The following MTMR2 variants were observed in gnomAD, a reference collection of about 807,000 sequenced individuals.
The protein encoded by MTMR2 is phosphatidylinositol-3,5-bisphosphate 3-phosphatase MTMR2.
Under a neutral mutation model 86.9 loss-of-function variants are expected in MTMR2, and 55 were observed. The observed-to-expected ratio is 0.63, with a 90% CI of 0.51 to 0.79. MTMR2 has a LOEUF of 0.79. Ranked by LOEUF, MTMR2 falls within the 30% of genes least tolerant of loss-of-function variation. The probability of loss-of-function intolerance (pLI) is 0.00; values close to 1 mark genes in which losing one functional copy is unlikely to be tolerated. For missense variants in MTMR2, 659 were observed against 772.3 expected, an observed-to-expected ratio of 0.85 and a Z score of 1.74; for synonymous variants, 241 against 266.8, an observed-to-expected ratio of 0.90 and a Z score of 0.94.
At chr11:95,882,965 CT>C (rs1865390895) in intron 2 of MTMR2, among the ~76,000 whole-genome samples, 1 of 131,206 alleles carries the variant, frequency 7.6e-6, no homozygotes, top group Non-Finnish European at 1.5e-5. Context: ...CCAGGATGGT[CT>C]CGATCTCCTG....
intron 1 of MTMR2, among the ~76,000 whole-genome samples, chr11:95,909,243 T>C (rs1469960319): frequency 6.6e-6 from 1 of 152,160 alleles, no homozygotes; most frequent in Non-Finnish European, 1.5e-5. Context: ...TTACTCTCTA[T>C]ATGCTTTTCA....
chr11:95,867,021 T>C (rs1392929493), intron 2 of MTMR2, among the ~76,000 whole-genome samples: 1 of 152,124 alleles, frequency 6.6e-6, no homozygotes, highest in Non-Finnish European at 1.5e-5. Flanking sequence ...ATAAGTGTTG[T>C]CTACTGTTAA....
intron 2 of MTMR2, among the ~76,000 whole-genome samples, chr11:95,869,921 A>G (rs1432310912): frequency 6.6e-6 from 1 of 152,180 alleles, no homozygotes; most frequent in Admixed American, 6.5e-5. Context: ...GAAAAGGGGC[A>G]TGATGAAAGT....
chr11:95,839,317 C>G (rs1434525220), intron 12 of MTMR2, among the ~76,000 whole-genome samples: 1 of 151,902 alleles, frequency 6.6e-6, no homozygotes, highest in Non-Finnish European at 1.5e-5. Flanking sequence ...AAAACTTTGT[C>G]AAGTCCCATT....
At chr11:95,858,299 A>G (rs1414850513) in intron 6 of MTMR2, among the ~76,000 whole-genome samples, 1 of 152,176 alleles carries the variant, frequency 6.6e-6, no homozygotes, top group African/African-American at 2.4e-5. Flanking sequence ...GCAAGATCAT[A>G]TAATCATAAA....
chr11:95,903,733 C>A (rs1207383640), intron 1 of MTMR2, among the ~76,000 whole-genome samples: 2 of 152,184 alleles, frequency 1.3e-5, no homozygotes, highest in African/African-American at 4.8e-5. Context: ...TTTCCACAAG[C>A]TCTCCAACTA....
At chr11:95,878,348 A>G (rs890267840) in intron 2 of MTMR2, among the ~76,000 whole-genome samples, 4 of 151,780 alleles carry the variant, frequency 2.6e-5, no homozygotes, top group African/African-American at 9.7e-5. Flanking sequence ...ACTATTCTAC[A>G]TGATACAGTA....
At chr11:95,868,273 T>TAAAAAAAAAAAAAAAA (rs555618890) in intron 2 of MTMR2, among the ~76,000 whole-genome samples, 5 of 42,222 alleles carry the variant, frequency 1.2e-4, no homozygotes, top group Non-Finnish European at 2.0e-4. Context: ...GACCCTGTGC[T>TAAAAAAAAAAAAAAAA]AAAAAAAAAA....
At chr11:95,862,175 T>TA (rs1206029251) in intron 4 of MTMR2, 73 bp from the exon 5 acceptor site, 14 of 1,529,442 alleles carry the variant, frequency 9.2e-6, no homozygotes, top group Non-Finnish European at 1.2e-5. Context: ...ATCAAAATCT[T>TA]AATCAGAAAT....
intron 1 of MTMR2, among the ~76,000 whole-genome samples, chr11:95,896,221 C>T (rs1411542262): frequency 6.6e-6 from 1 of 152,144 alleles, no homozygotes; most frequent in Admixed American, 6.6e-5. Flanking sequence ...CCCATAGCCA[C>T]TCTCATAGCA....
At chr11:95,871,190 T>C (rs895872054) in intron 2 of MTMR2, among the ~76,000 whole-genome samples, 10 of 152,236 alleles carry the variant, frequency 6.6e-5, no homozygotes, top group African/African-American at 1.9e-4. Flanking sequence ...AGTGCCACAA[T>C]AAACATAACG....
At chr11:95,919,999 G>A (rs903652733) in intron 1 of MTMR2, among the ~76,000 whole-genome samples, 4 of 152,114 alleles carry the variant, frequency 2.6e-5, no homozygotes, top group Non-Finnish European at 1.5e-5. Context: ...GTCAAATTCT[G>A]CTGTGTAACT....
intron 1 of MTMR2, among the ~76,000 whole-genome samples, chr11:95,908,494 A>G (rs747523946): frequency 2.0e-5 from 3 of 152,198 alleles, no homozygotes; most frequent in Non-Finnish European, 4.4e-5. Flanking sequence ...AAACTATTCT[A>G]AAATTCATCT....
rs1053398057 is a variant in MTMR2, at chr11:95,832,934, G to T, written c.*2356C>A. 6.6e-6 allele frequency: 1 copy of T among 152,138 alleles called. No homozygotes were observed. Among genetic ancestry groups the T allele is most frequent in the Non-Finnish European group, 1.5e-5 (1 of 68,022 alleles). The allele number at this position is 152,138 out of a possible 1,614,324, so 9.4% of individuals were successfully genotyped here. ...CATTTCAAATAAGGTTATGTTTACA[G>T]ACTTGTGGTAGACATGTGAATTGTT... On this transcript the variant is annotated 3_prime_UTR_variant, in exon 15 of 15. Coordinates refer to ENST00000346299, the MANE Select transcript of MTMR2 (RefSeq NM_016156.6).
At chr11:95,847,434 T>C (rs1863837371) in intron 10 of MTMR2, among the ~76,000 whole-genome samples, 1 of 152,074 alleles carries the variant, frequency 6.6e-6, no homozygotes, top group South Asian at 2.1e-4. Context: ...GGGAAGACCT[T>C]ATGGAAGAAA....
rs111631129 is a variant in MTMR2 at position 95,871,092 on chromosome 11, T to C, written c.187-5416A>G. ...CATCATTTTTTATGGCTGCATAGTA[T>C]TCCATGGTGTATATGTGCCACATTT... On this transcript the variant is annotated intron_variant, in intron 2 of 14. Coordinates refer to ENST00000346299, the MANE Select transcript of MTMR2 (RefSeq NM_016156.6). Among the ~76,000 whole-genome samples the C allele has an allele frequency of 2.0e-3, 298 of 152,326 alleles. 1 individual carries two copies. Among genetic ancestry groups the C allele is most frequent in the African/African-American group, 6.6e-3 (275 of 41,568 alleles).
In MTMR2 at chr11:95,865,663, G is replaced by GAC; in HGVS notation, c.198_199dup (p.Ser67CysfsTer5). 6.2e-7 allele frequency: 1 copy of GAC among 1,613,782 alleles called. No homozygotes were observed. The highest frequency in any genetic ancestry group is 8.5e-7 in the Non-Finnish European group (1 of 1,179,734). On this transcript the variant is annotated frameshift_variant, in exon 3 of 15. Coordinates refer to ENST00000346299, the MANE Select transcript of MTMR2 (RefSeq NM_016156.6). LOFTEE classifies it high-confidence loss of function. ...TTCTTCCATTTCTGCTAACTTGTTA[G>GAC]ACTCCCTCAGGACCTGGGGTGGGAA...
intron 2 of MTMR2, among the ~76,000 whole-genome samples, chr11:95,866,714 T>C (rs1864631068): frequency 2.0e-5 from 3 of 146,948 alleles, no homozygotes; most frequent in African/African-American, 5.1e-5. Context: ...AATAGTCTTA[T>C]GTAGTCATAA....
Position 95,850,662 on chromosome 11 carries a change from C to G in MTMR2, c.742G>C (p.Ala248Pro). 6.2e-7 allele frequency: 1 copy of G among 1,614,132 alleles called. No homozygotes were observed. Among genetic ancestry groups the G allele is most frequent in the South Asian group, 1.1e-5 (1 of 91,088 alleles). The change falls in exon 8 of 15, where the codon GCA (alanine) becomes CCA (proline). Residue 248 changes from alanine to proline, a missense_variant. This residue lies in a region of MTMR2 where 387 missense variants were observed against 526.3 expected (regional missense o/e 0.74). Transcript: ENST00000346299. ...TTTAATTCTTCATCAGGAATATTTG[C>G]TGGCACAACCAGGAGGGCAGGGTAT... ...DTYPALLVVP[A>P]NIPDEELKRV...
Sources: allele counts gnomAD v4.1 joint callset (sites outside exome capture counted in the v4.1 genomes callset), GRCh38; gene constraint gnomAD v4.1.1; regional missense constraint gnomAD v4.1.1; transcripts MANE v1.5; gene names NCBI Gene and HGNC (gene_info 2026-07-23, HGNC 2026-07-21).